CREB1: variants seen among roughly 807,000 people sequenced by gnomAD.
CREB1 encodes the protein cAMP responsive element binding protein 1.
A neutral mutation model predicts 42.0 loss-of-function variants in CREB1; 2 were observed. The observed-to-expected ratio is 0.05, with a 90% CI of 0.02 to 0.15. The LOEUF is 0.15. Ranked by LOEUF, CREB1 falls within the 10% of genes least tolerant of loss-of-function variation. The pLI is 1.00. For missense variants in CREB1, 199 were observed against 388.9 expected, an observed-to-expected ratio of 0.51 and a Z score of 4.11; for synonymous variants, 123 against 139.9, an observed-to-expected ratio of 0.88 and a Z score of 0.85.
intron 1 of CREB1, chr2:207,550,599 T>C (rs1410805166): frequency 6.6e-6 from 1 of 152,172 alleles, no homozygotes; most frequent in Non-Finnish European, 1.5e-5. Context: ...GGCGAAAGTA[T>C]GTATTCTTTC....
chr2:207,595,419 A>AT (rs548081856), intron 7 of CREB1, among the ~76,000 whole-genome samples: 27 of 149,474 alleles, frequency 1.8e-4, no homozygotes, highest in South Asian at 4.2e-4. Flanking sequence ...TATATTCTAG[A>AT]TTTTTTTTTT....
chr2:207,603,773 C>G lies in CREB1; in HGVS notation c.*6715C>G, dbSNP rs2087556383. On this transcript the variant is annotated 3_prime_UTR_variant, in exon 8 of 8. Transcript: ENST00000353267. ...CTATATACCTTCTCAGGTCCCCTTG[C>G]AATTCTAAAACTCTGTGATCATATA... Among the ~76,000 whole-genome samples, 1 of 152,106 alleles carries G rather than the reference C, an allele frequency of 6.6e-6. No homozygotes were observed. Among genetic ancestry groups the G allele is most frequent in the South Asian group, 2.1e-4 (1 of 4,818 alleles).
chr2:207,552,080 T>C (rs2081531998), intron 1 of CREB1, among the ~76,000 whole-genome samples: 1 of 147,656 alleles, frequency 6.8e-6, no homozygotes, highest in South Asian at 2.2e-4. Flanking sequence ...AAGAAGGCTA[T>C]CCTCTACCCT....
Position 207,590,353 on chromosome 2 carries a change from C to CT in CREB1, c.840-6552dup, listed in dbSNP as rs899043082. Among the ~76,000 whole-genome samples the CT allele has an allele frequency of 2.1e-4, 32 of 150,066 alleles. No homozygotes were observed. The East Asian group carries it at 3.7e-3, about 17-fold the overall frequency. On this transcript the variant is annotated intron_variant, in intron 7 of 7. Transcript: ENST00000353267. ...CGCCACCCCTACCCCAGCCACCCTC[C>CT]TTTTTTTTTAAGTCTGGCTAAAGGT...
intron 7 of CREB1, chr2:207,582,299 TTCATCAGTAAATCTTG>T: frequency 1.6e-6 from 1 of 623,322 alleles, no homozygotes; most frequent in South Asian, 1.9e-5. Flanking sequence ...AGTTTTAGAA[TTCATCAGTAAATCTTG>T]TCTACAGTAA....
At chr2:207,582,106 C>T (rs1250600158) in intron 7 of CREB1, 2 of 702,780 alleles carry the variant, frequency 2.8e-6, no homozygotes, top group East Asian at 5.4e-5. Context: ...GTTGAGCTAC[C>T]ATTTTTCTCT....
intron 7 of CREB1, among the ~76,000 whole-genome samples, chr2:207,584,630 G>T (rs2083491820): frequency 6.6e-6 from 1 of 152,156 alleles, no homozygotes; most frequent in South Asian, 2.1e-4. Context: ...TTGAACTCCT[G>T]ACCTCAGATG....
chr2:207,580,278 C>T (rs569348544), intron 7 of CREB1, among the ~76,000 whole-genome samples: 13 of 152,272 alleles, frequency 8.5e-5, no homozygotes, highest in African/African-American at 3.1e-4. Flanking sequence ...CAGTATGCAG[C>T]CATCTTCTGC....
At position 207,604,825 on chromosome 2, in the gene CREB1, CAT is replaced by C. The variant is rs1387016167; in HGVS notation, c.*7769_*7770del. Among the ~76,000 whole-genome samples the C allele has an allele frequency of 1.3e-5, 2 of 152,240 alleles. No individual in the cohort carries two copies. The highest frequency in any genetic ancestry group is 1.3e-4 in the Admixed American group (2 of 15,282). Reference sequence around the variant, plus strand: ...ACATCCGGGTATTTCATGTGAGACTCATACACTGTGTATTACTTCTTTCGTCT... The same window carrying C: ...ACATCCGGGTATTTCATGTGAGACTCACACTGTGTATTACTTCTTTCGTCT... On this transcript the variant is annotated 3_prime_UTR_variant, in exon 8 of 8. Transcript: ENST00000353267.
In CREB1 at chr2:207,584,008, G is replaced by A. The variant is rs151176790; in HGVS notation, c.839+6353G>A. Among the ~76,000 whole-genome samples the A allele has an allele frequency of 1.5e-3, 223 of 152,266 alleles. 1 individual carries two copies. The highest frequency in any genetic ancestry group is 5.1e-3 in the African/African-American group (210 of 41,548). On this transcript the variant is annotated intron_variant, in intron 7 of 7. Transcript: ENST00000353267. Reference sequence around the variant, plus strand: ...TTTATTGATTTTGTTGCATGAATCAGTAGTTGGGACTTATCCCAGATAATT... The same window carrying A: ...TTTATTGATTTTGTTGCATGAATCAATAGTTGGGACTTATCCCAGATAATT...
At position 207,598,010 on chromosome 2, in the gene CREB1, C is replaced by G. The variant is rs1202513916; in HGVS notation, c.*952C>G. 5.5e-6 allele frequency: 1 copy of G among 181,518 alleles called. No individual in the cohort carries two copies. The highest frequency in any genetic ancestry group is 1.2e-5 in the Non-Finnish European group (1 of 85,550). 11.2% of individuals were successfully genotyped at this position (181,518 alleles called of 1,614,324 possible). The stretch of plus-strand genomic sequence containing the variant: ...AAAGATATTTCTAATTTACTGTTGC[C>G]CATTGCACTTACATACCACCACCAA... On this transcript the variant is annotated 3_prime_UTR_variant, in exon 8 of 8. Transcript: ENST00000353267.
rs2081903197 is a variant in CREB1, at chr2:207,560,220, C to A, written c.115-6C>A. Reference sequence around the variant, plus strand: ...TGATAATTCTTTTCTGTGTTCAACACCATAGGTATCTATGCCAGCAGCTCA... The same window carrying A: ...TGATAATTCTTTTCTGTGTTCAACAACATAGGTATCTATGCCAGCAGCTCA... On this transcript the variant is annotated splice_region_variant and splice_polypyrimidine_tract_variant and intron_variant, in intron 2 of 7. Coordinates refer to ENST00000353267, the MANE Select transcript of CREB1 (RefSeq NM_004379.5). 6.2e-7 allele frequency: 1 copy of A among 1,600,838 alleles called. No homozygotes were observed. The highest frequency in any genetic ancestry group is 2.2e-5 in the East Asian group (1 of 44,576).
Position 207,604,890 on chromosome 2 carries a change from T to A in CREB1, c.*7832T>A, listed in dbSNP as rs1360640575. On this transcript the variant is annotated 3_prime_UTR_variant, in exon 8 of 8. Coordinates refer to ENST00000353267, the MANE Select transcript of CREB1 (RefSeq NM_004379.5). The stretch of plus-strand genomic sequence containing the variant: ...TTGTTGAGGTTGATCCATTGTAACA[T>A]GTTATCACTACTTCATTCCTTTTTA... 6.6e-6 allele frequency among the ~76,000 whole-genome samples: 1 copy of A among 152,212 alleles called. No homozygotes were observed. The highest frequency in any genetic ancestry group is 1.5e-5 in the Non-Finnish European group (1 of 68,038).
At chr2:207,596,571 C>CT (rs1019823163) in intron 7 of CREB1, among the ~76,000 whole-genome samples, 1 of 152,132 alleles carries the variant, frequency 6.6e-6, no homozygotes, top group Non-Finnish European at 1.5e-5. Context: ...GTAGCTGGGA[C>CT]TACAGGCATG....
chr2:207,535,368 G>T (rs2106338756), intron 1 of CREB1, among the ~76,000 whole-genome samples: 1 of 152,134 alleles, frequency 6.6e-6, no homozygotes, highest in East Asian at 1.9e-4. Flanking sequence ...GGCCCAAAAG[G>T]TTTTTATAGC....
chr2:207,567,966 C>G (rs2082204146), intron 4 of CREB1: 1 of 153,040 alleles, frequency 6.5e-6, no homozygotes, highest in African/African-American at 2.4e-5. Context: ...ATAATTGTCT[C>G]AGGGAGATGC....
chr2:207,556,173 T>A (rs2081711763), intron 2 of CREB1, among the ~76,000 whole-genome samples: 2 of 152,166 alleles, frequency 1.3e-5, no homozygotes, highest in Admixed American at 1.3e-4. Flanking sequence ...GCAAATAAAT[T>A]GACATGTAAG....
intron 5 of CREB1, among the ~76,000 whole-genome samples, chr2:207,572,940 G>T (rs1321437338): frequency 2.0e-5 from 3 of 152,050 alleles, no homozygotes; most frequent in African/African-American, 7.2e-5. Flanking sequence ...GCTGTTACTA[G>T]ATTTATCTGT....
At chr2:207,561,269 T>C (rs2081946891) in intron 3 of CREB1, 5 of 973,620 alleles carry the variant, frequency 5.1e-6, no homozygotes, top group Non-Finnish European at 6.3e-6. Flanking sequence ...TTTCAACACT[T>C]GAACAAAAAC....
Sources: gnomAD v4.1 joint callset for allele counts (sites outside exome capture counted in the v4.1 genomes callset) on GRCh38, gnomAD v4.1.1 for gene constraint, MANE v1.5 for transcripts, NCBI Gene and HGNC (gene_info 2026-07-23, HGNC 2026-07-21) for gene names.